Variants in NCOA2 observed in about 807,000 individuals in gnomAD.
NCOA2 encodes class E basic helix-loop-helix protein 75.
In NCOA2, 21 loss-of-function variants were observed where a neutral mutation model predicts 145.1. The ratio of observed to expected loss-of-function variants is 0.14; its 90% CI spans 0.10 to 0.21. The LOEUF (loss-of-function observed/expected upper bound fraction) is 0.21, where lower values mean the gene tolerates loss of function less well. Among genes scored for constraint, NCOA2 ranks in the 10% least tolerant of loss-of-function variants. The pLI, the probability that NCOA2 is intolerant of heterozygous loss-of-function variation, is 1.00. For synonymous variants in NCOA2, 619 were observed against 637.5 expected (o/e 0.97, Z 0.44); for missense variants, 1,472 against 1,837.6 (o/e 0.80, Z 3.64).
At chr8:70,420,974 A>G in the NCOA2 span, among the ~76,000 whole-genome samples, 1,083 of 152,130 alleles carry the variant, frequency 7.1e-3, 3 homozygotes, top group Middle Eastern at 0.017. Flanking sequence ...TGTTATCTTT[A>G]AAAACTTAAG....
chr8:70,438,702 G>T, the NCOA2 span, among the ~76,000 whole-genome samples: 1 of 152,188 alleles, frequency 6.6e-6, no homozygotes, highest in Non-Finnish European at 1.5e-5. Flanking sequence ...AAAAATACAT[G>T]CATTTTAATA....
In NCOA2 at chr8:70,216,800, G is replaced by A. The variant is rs1051534534; in HGVS notation, c.-19-36C>T. On this transcript the variant is annotated intron_variant, in intron 2 of 22. Coordinates refer to ENST00000452400, the MANE Select transcript of NCOA2 (RefSeq NM_006540.4). ...AAACAGAGAAGAGGAAGAAAAAAAT[G>A]AAGAGAGCTGATGATGAAGTGTCTG... The A allele has an allele frequency of 2.1e-5, 28 of 1,303,544 alleles. 1 individual carries two copies. The African/African-American group carries it at 4.1e-4, about 19-fold the overall frequency. The allele number at this position is 1,303,544 out of a possible 1,614,324, so 80.7% of individuals were successfully genotyped here.
chr8:70,408,709 T>C (rs565696458), upstream of NCOA2, among the ~76,000 whole-genome samples: 49 of 152,090 alleles, frequency 3.2e-4, no homozygotes, highest in Non-Finnish European at 2.5e-4. Flanking sequence ...AGTGGCACAA[T>C]TACAGCTCAC....
the NCOA2 span, chr8:70,424,200 A>G: frequency 3.5e-6 from 1 of 281,914 alleles, no homozygotes; most frequent in Admixed American, 4.7e-5. Context: ...AGACACGAAG[A>G]CCCCAGAAGT....
At chr8:70,370,575 G>A (rs1811124918) in intron 1 of NCOA2, among the ~76,000 whole-genome samples, 1 of 151,856 alleles carries the variant, frequency 6.6e-6, no homozygotes, top group Admixed American at 6.6e-5. Context: ...GCTTCACCTG[G>A]ATATGTTCTA....
chr8:70,402,961 C>A (rs1814484452), intron 1 of NCOA2, among the ~76,000 whole-genome samples: 1 of 145,250 alleles, frequency 6.9e-6, no homozygotes, highest in Admixed American at 6.8e-5. Flanking sequence ...CCCGTCCGCC[C>A]GCGGTGCTCG....
rs11347613 is a variant in NCOA2 at position 70,397,461 on chromosome 8, GAA to G, written c.-77+6237_-77+6238del. ...GAGTGAGACCCTGTCTCAAAAAAAG[GAA>G]AAAAAAAAAAAAAAAGAGCAAGAAC... On this transcript the variant is annotated intron_variant, in intron 1 of 22. Coordinates refer to ENST00000452400, the MANE Select transcript of NCOA2 (RefSeq NM_006540.4). 5.9e-3 allele frequency among the ~76,000 whole-genome samples: 633 copies of G among 107,018 alleles called. 4 individuals are homozygous for G. Among genetic ancestry groups the G allele is most frequent in the East Asian group, 0.032 (142 of 4,424 alleles). The allele number at this position is 107,018 out of a possible 152,430, so 70.2% of individuals were successfully genotyped here. A position where few individuals can be genotyped will look rare whatever the true frequency, so the allele number is the denominator to read the frequency against.
intron 1 of NCOA2, among the ~76,000 whole-genome samples, chr8:70,308,639 TCTATCAAAA>T (rs1477427794): frequency 6.6e-6 from 1 of 152,202 alleles, no homozygotes; most frequent in Admixed American, 6.5e-5. Context: ...AGTTCTTATT[TCTATCAAAA>T]GGAATCTAAC....
chr8:70,233,109 CA>C (rs35607891), intron 2 of NCOA2, among the ~76,000 whole-genome samples: 135,804 of 151,778 alleles, frequency 0.89, 61,198 homozygotes, highest in African/African-American at 0.95. Context: ...CCTGTACTCC[CA>C]AGCTACTCAG....
chr8:70,446,225 C>T, the NCOA2 span, among the ~76,000 whole-genome samples: 111 of 152,306 alleles, frequency 7.3e-4, no homozygotes, highest in African/African-American at 2.5e-3. Flanking sequence ...ACGGCTCACT[C>T]GGAGAACTGG....
intron 1 of NCOA2, among the ~76,000 whole-genome samples, chr8:70,365,671 T>C (rs1810625928): frequency 6.6e-6 from 1 of 152,216 alleles, no homozygotes; most frequent in African/African-American, 2.4e-5. Flanking sequence ...GACGTAAATG[T>C]TTTTAAAATG....
At chr8:70,147,705 GT>G (rs1294004757) in intron 12 of NCOA2, among the ~76,000 whole-genome samples, 1 of 152,218 alleles carries the variant, frequency 6.6e-6, no homozygotes, top group Non-Finnish European at 1.5e-5. Flanking sequence ...GAAACGTAAA[GT>G]TCCACGTCAA....
At chr8:70,148,533 A>G (rs1264612032) in intron 11 of NCOA2, 50 bp from the exon 12 acceptor site, 1 of 1,525,198 alleles carries the variant, frequency 6.6e-7, no homozygotes, top group Non-Finnish European at 9.0e-7. Flanking sequence ...AAGAGTAGAC[A>G]CCACAAGCCC....
intron 2 of NCOA2, among the ~76,000 whole-genome samples, chr8:70,222,265 AAGAT>A (rs1221931834): frequency 1.3e-5 from 2 of 152,228 alleles, no homozygotes; most frequent in Non-Finnish European, 2.9e-5. Flanking sequence ...AAATAACAAT[AAGAT>A]AGACACAAAC....
chr8:70,145,410 T>TGG (rs1350655036), intron 12 of NCOA2, among the ~76,000 whole-genome samples: 1 of 152,032 alleles, frequency 6.6e-6, no homozygotes, highest in Non-Finnish European at 1.5e-5. Flanking sequence ...CTGCAACCTC[T>TGG]GCCTCTAGGG....
At chr8:70,170,880 C>T (rs1056802494) in intron 5 of NCOA2, among the ~76,000 whole-genome samples, 3 of 152,040 alleles carry the variant, frequency 2.0e-5, no homozygotes, top group East Asian at 3.8e-4. Context: ...CTAGCTGTCA[C>T]GGATTATATG....
chr8:70,261,397 A>T (rs1429959259), intron 2 of NCOA2, among the ~76,000 whole-genome samples: 1 of 152,126 alleles, frequency 6.6e-6, no homozygotes, highest in African/African-American at 2.4e-5. Context: ...TGGGAATTGA[A>T]CAATGAGAAC....
chr8:70,147,505 C>A (rs1811236834), intron 12 of NCOA2, among the ~76,000 whole-genome samples: 1 of 152,180 alleles, frequency 6.6e-6, no homozygotes, highest in African/African-American at 2.4e-5. Flanking sequence ...ATCTATCTTT[C>A]ATAAATTATG....
At chr8:70,223,217 T>C (rs916987827) in intron 2 of NCOA2, among the ~76,000 whole-genome samples, 3 of 152,230 alleles carry the variant, frequency 2.0e-5, no homozygotes, top group African/African-American at 7.2e-5. Flanking sequence ...GTAGCACTTG[T>C]GTTTGAGTTT....
Sources: gnomAD v4.1 joint callset for allele counts (sites outside exome capture counted in the v4.1 genomes callset) on GRCh38, gnomAD v4.1.1 for gene constraint, MANE v1.5 for transcripts, NCBI Gene and HGNC (gene_info 2026-07-23, HGNC 2026-07-21) for gene names.